BPTF: variants seen among roughly 807,000 people sequenced by gnomAD.
BPTF encodes the protein bromodomain PHD finger transcription factor.
In BPTF, 18 loss-of-function variants were observed where a neutral mutation model predicts 292.5. The observed-to-expected ratio is 0.06, with a 90% CI of 0.04 to 0.09. BPTF has a LOEUF of 0.09. BPTF is among the 10% of genes least tolerant of loss of function. BPTF has a pLI of 1.00. For missense variants in BPTF, 2,726 were observed against 3,498.7 expected, an observed-to-expected ratio of 0.78 and a Z score of 5.57; for synonymous variants, 1,225 against 1,251.9, an observed-to-expected ratio of 0.98 and a Z score of 0.45.
chr17:67,957,613 G>C (rs1401657995), intron 23 of BPTF, among the ~76,000 whole-genome samples: 1 of 152,184 alleles, frequency 6.6e-6, no homozygotes, highest in Non-Finnish European at 1.5e-5. Context: ...GCTCATACCT[G>C]TCATCCCAGC....
chr17:67,940,218 C>T (rs781948307), intron 18 of BPTF, among the ~76,000 whole-genome samples: 6 of 152,164 alleles, frequency 3.9e-5, no homozygotes, highest in Non-Finnish European at 7.3e-5. Flanking sequence ...ATCCTACAGA[C>T]AGCAGAGACT....
chr17:67,893,118 G>T lies in BPTF; in HGVS notation c.2056-252G>T, dbSNP rs139262955. On this transcript the variant is annotated intron_variant, in intron 5 of 27. Coordinates refer to ENST00000306378, the MANE Select transcript of BPTF (RefSeq NM_182641.4). Reference sequence around the variant, plus strand: ...TGAAGTATTAATACATGAAAGCAGTGAATAATAGTATCTGACATGTAATAG... The same window carrying T: ...TGAAGTATTAATACATGAAAGCAGTTAATAATAGTATCTGACATGTAATAG... 7.5e-4 allele frequency: 345 copies of T among 461,802 alleles called. 2 individuals are homozygous for T. The highest frequency in any genetic ancestry group is 6.5e-3 in the African/African-American group (325 of 50,308). 28.6% of individuals were successfully genotyped at this position (461,802 alleles called of 1,614,324 possible). A position where few individuals can be genotyped will look rare whatever the true frequency, so the allele number is the denominator to read the frequency against.
chr17:67,940,800 C>G (rs2065300998), intron 19 of BPTF, 144 bp downstream of exon 19: 3 of 864,084 alleles, frequency 3.5e-6, no homozygotes, highest in East Asian at 5.3e-5. Context: ...GCAGAAATAC[C>G]TCTTAGACAG....
At chr17:67,846,392 G>A (rs929646675) in intron 1 of BPTF, among the ~76,000 whole-genome samples, 2 of 152,170 alleles carry the variant, frequency 1.3e-5, no homozygotes, top group South Asian at 2.1e-4. Flanking sequence ...GTCCCTAGAT[G>A]TATCTCTAGA....
intron 9 of BPTF, among the ~76,000 whole-genome samples, chr17:67,905,256 A>G (rs1598553168): frequency 6.6e-6 from 1 of 151,814 alleles, no homozygotes; most frequent in African/African-American, 2.4e-5. Context: ...TAAAAATACA[A>G]AATTTGCTGG....
chr17:67,974,210 G>A (rs782554659), intron 26 of BPTF: 1 of 151,998 alleles, frequency 6.6e-6, no homozygotes, highest in Non-Finnish European at 1.5e-5. Flanking sequence ...TTTCAAACAC[G>A]TCGTTCTCCT....
At chr17:67,917,967 G>A (rs775445627) in intron 11 of BPTF, among the ~76,000 whole-genome samples, 16 of 151,964 alleles carry the variant, frequency 1.1e-4, no homozygotes, top group Non-Finnish European at 1.8e-4. Context: ...ACCCACCACC[G>A]CGCCTGGCTA....
chr17:67,942,368 A>G (rs1241452318), intron 19 of BPTF, among the ~76,000 whole-genome samples: 1 of 152,184 alleles, frequency 6.6e-6, no homozygotes, highest in Non-Finnish European at 1.5e-5. Context: ...GAAGAAATCT[A>G]AATGTCCCAA....
chr17:67,841,878 C>T (rs1192690269), intron 1 of BPTF, among the ~76,000 whole-genome samples: 1 of 151,746 alleles, frequency 6.6e-6, no homozygotes, highest in Non-Finnish European at 1.5e-5. Context: ...GGGGTTTCTT[C>T]TGTTTCTTTT....
chr17:67,952,968 C>CT (rs1269866010), intron 23 of BPTF, among the ~76,000 whole-genome samples: 1 of 151,218 alleles, frequency 6.6e-6, no homozygotes, highest in Non-Finnish European at 1.5e-5. Context: ...TTGTTCTTTA[C>CT]TTTTTTTTTC....
chr17:67,887,821 G>A (rs2060841621), intron 4 of BPTF, among the ~76,000 whole-genome samples: 1 of 152,150 alleles, frequency 6.6e-6, no homozygotes, highest in South Asian at 2.1e-4. Flanking sequence ...TCCCAGTACA[G>A]ACAGGCTATT....
chr17:67,983,434 A>G lies in BPTF; in HGVS notation c.*1146A>G, dbSNP rs1387594374. 6.6e-6 allele frequency: 1 copy of G among 152,658 alleles called. No homozygotes were observed. Among genetic ancestry groups the G allele is most frequent in the Non-Finnish European group, 1.5e-5 (1 of 68,046 alleles). 9.5% of individuals were successfully genotyped at this position (152,658 alleles called of 1,614,324 possible). A position where few individuals can be genotyped will look rare whatever the true frequency, so the allele number is the denominator to read the frequency against. ...TACATTCTGTGATACCAGGCAAATT[A>G]CCAATTACACACAGCTACTTATATT... On this transcript the variant is annotated 3_prime_UTR_variant, in exon 28 of 28. Transcript: ENST00000306378.
rs758015766 is a variant in BPTF, at chr17:67,912,235, G to T, written c.4351G>T (p.Asp1451Tyr). 6.2e-7 allele frequency: 1 copy of T among 1,610,252 alleles called. No individual in the cohort carries two copies. Among genetic ancestry groups the T allele is most frequent in the South Asian group, 1.1e-5 (1 of 90,262 alleles). ...NNINKIIPEN[D>Y]IKSLTVKESA... ...TATAAATAAAATAATCCCTGAGAAT[G>T]ATATTAAATCATTGACTGTTAAAGA... Residue 1451 changes from aspartate (D) to tyrosine (Y), a missense_variant, in exon 11 of 28, where the codon GAT becomes TAT. Around this residue, in one of 22 missense-constraint regions of BPTF, gnomAD observed 713 missense variants for 714.9 expected, o/e 1.00. Coordinates refer to ENST00000306378, the MANE Select transcript of BPTF (RefSeq NM_182641.4).
At position 67,912,517 on chromosome 17, in the gene BPTF, A is replaced by T. The variant is rs772074851; in HGVS notation, c.4633A>T (p.Thr1545Ser). The change falls in exon 11 of 28, where the codon ACT becomes TCT. Residue 1545 changes from threonine (T) to serine (S), a missense_variant. Around this residue, in one of 22 missense-constraint regions of BPTF, gnomAD observed 713 missense variants for 714.9 expected, o/e 1.00. Coordinates refer to ENST00000306378, the MANE Select transcript of BPTF (RefSeq NM_182641.4). ...EIETSEVKKV[T>S]SSPITSEEES... is the part of the protein sequence containing the mutation. The stretch of plus-strand genomic sequence containing the variant: ...AGAAACCTCAGAAGTTAAGAAAGTT[A>T]CTTCATCACCTATTACTTCTGAAGA... 6.2e-7 allele frequency: 1 copy of T among 1,613,886 alleles called. No individual in the cohort carries two copies. The highest frequency in any genetic ancestry group is 8.5e-7 in the Non-Finnish European group (1 of 1,179,946).
At chr17:67,916,765 CAAA>C (rs768285922) in intron 11 of BPTF, among the ~76,000 whole-genome samples, 5 of 56,388 alleles carry the variant, frequency 8.9e-5, no homozygotes, top group Admixed American at 2.0e-4. Flanking sequence ...TACTCTGTCT[CAAA>C]AAAAAAAAAA....
intron 15 of BPTF, among the ~76,000 whole-genome samples, chr17:67,924,946 G>A (rs1167351279): frequency 1.3e-5 from 2 of 151,266 alleles, no homozygotes; most frequent in South Asian, 4.2e-4. Context: ...ATAGGGCTTC[G>A]CCGTGTTCCC....
chr17:67,902,165 G>A (rs1410726077), intron 7 of BPTF, among the ~76,000 whole-genome samples: 1 of 152,184 alleles, frequency 6.6e-6, no homozygotes, highest in South Asian at 2.1e-4. Flanking sequence ...GGTGATAAAA[G>A]GGACCTCTTT....
At chr17:67,910,638 GA>G (rs1476860645) in intron 10 of BPTF, among the ~76,000 whole-genome samples, 5 of 151,882 alleles carry the variant, frequency 3.3e-5, no homozygotes, top group Non-Finnish European at 7.4e-5. Context: ...TGTCTCTACT[GA>G]AAATTCAAAA....
intron 26 of BPTF, among the ~76,000 whole-genome samples, chr17:67,970,749 A>G (rs1181245206): frequency 2.6e-5 from 4 of 152,244 alleles, no homozygotes; most frequent in Non-Finnish European, 5.9e-5. Context: ...TGTAAACTTA[A>G]TACTTTTTCA....
Sources: allele counts gnomAD v4.1 joint callset (sites outside exome capture counted in the v4.1 genomes callset), GRCh38; gene constraint gnomAD v4.1.1; regional missense constraint gnomAD v4.1.1; transcripts MANE v1.5; gene names NCBI Gene and HGNC (gene_info 2026-07-23, HGNC 2026-07-21).